The following MTUS2 variants were observed in gnomAD, a reference collection of about 807,000 sequenced individuals.
The protein encoded by MTUS2 is microtubule associated scaffold protein 2.
A neutral mutation model predicts 114.1 loss-of-function variants in MTUS2; 40 were observed. The observed-to-expected ratio is 0.35, with a 90% CI of 0.27 to 0.46. The LOEUF is 0.46. Among genes scored for constraint, MTUS2 ranks in the 20% least tolerant of loss-of-function variants. The pLI, the probability that MTUS2 is intolerant of heterozygous loss-of-function variation, is 1.00. For missense variants in MTUS2, 1,679 were observed against 1,705.4 expected (o/e 0.98, Z 0.27); for synonymous variants, 688 against 672.0 (o/e 1.02, Z -0.37).
intron 9 of MTUS2, among the ~76,000 whole-genome samples, chr13:29,474,608 G>A (rs545763887): frequency 6.6e-6 from 1 of 152,064 alleles, no homozygotes; most frequent in African/African-American, 2.4e-5. Flanking sequence ...GCCTTTTCTT[G>A]GTTTAACAAT....
chr13:29,483,319 C>G (rs911752108), intron 10 of MTUS2, among the ~76,000 whole-genome samples: 1 of 152,232 alleles, frequency 6.6e-6, no homozygotes, highest in African/African-American at 2.4e-5. Flanking sequence ...CCGAGGCAGG[C>G]TGACCTCCGG....
chr13:28,822,379 C>T (rs1435973432), intron 1 of MTUS2, among the ~76,000 whole-genome samples: 2 of 152,192 alleles, frequency 1.3e-5, no homozygotes, highest in Non-Finnish European at 2.9e-5. Flanking sequence ...CCGGCATACG[C>T]ACTTTTATAA....
intron 5 of MTUS2, among the ~76,000 whole-genome samples, chr13:29,206,831 T>C (rs1298040569): frequency 6.6e-6 from 1 of 152,222 alleles, no homozygotes; most frequent in Non-Finnish European, 1.5e-5. Context: ...TAGTTTGAAG[T>C]CAGGTAATGT....
chr13:29,211,234 A>G (rs1895417699), intron 5 of MTUS2, among the ~76,000 whole-genome samples: 1 of 152,092 alleles, frequency 6.6e-6, no homozygotes, highest in Non-Finnish European at 1.5e-5. Flanking sequence ...TGGGTCACGC[A>G]GGTTGCCAGG....
At chr13:28,922,935 T>C (rs1284195634) in intron 2 of MTUS2, among the ~76,000 whole-genome samples, 1 of 152,256 alleles carries the variant, frequency 6.6e-6, no homozygotes, top group Non-Finnish European at 1.5e-5. Flanking sequence ...AATACTCTTT[T>C]AGCCCACTTT....
intron 5 of MTUS2, among the ~76,000 whole-genome samples, chr13:29,264,063 A>G (rs1046230745): frequency 6.6e-6 from 1 of 152,226 alleles, no homozygotes; most frequent in Non-Finnish European, 1.5e-5. Flanking sequence ...AAAACAAATT[A>G]TCGACTTCCA....
At chr13:29,448,693 T>C (rs78134312) in intron 9 of MTUS2, among the ~76,000 whole-genome samples, 8,187 of 151,686 alleles carry the variant, frequency 0.054, 242 homozygotes, top group Middle Eastern at 0.065. Flanking sequence ...TTTACTTTTT[T>C]ATGTTTTCTG....
chr13:29,334,995 A>G (rs1460411286), intron 7 of MTUS2, among the ~76,000 whole-genome samples: 3 of 152,214 alleles, frequency 2.0e-5, no homozygotes, highest in East Asian at 1.9e-4. Context: ...TGTTTGAACA[A>G]TATCAAATCT....
At chr13:28,955,181 G>A (rs982700777) in intron 2 of MTUS2, among the ~76,000 whole-genome samples, 6 of 152,054 alleles carry the variant, frequency 3.9e-5, no homozygotes, top group Non-Finnish European at 7.4e-5. Flanking sequence ...TTACATCTGC[G>A]CCCCTGCCAC....
At chr13:28,881,306 C>G (rs888343965) in intron 2 of MTUS2, among the ~76,000 whole-genome samples, 1 of 152,054 alleles carries the variant, frequency 6.6e-6, no homozygotes, top group Non-Finnish European at 1.5e-5. Context: ...GGACATTAGT[C>G]CGTTCTTTTT....
intron 2 of MTUS2, among the ~76,000 whole-genome samples, chr13:28,999,294 G>A (rs138774704): frequency 0.018 from 2,695 of 151,894 alleles, 83 homozygotes; most frequent in African/African-American, 0.061. Flanking sequence ...GTGTCAGTCC[G>A]CCCCTACTGG....
chr13:29,388,173 C>A (rs1872760528), intron 8 of MTUS2, among the ~76,000 whole-genome samples: 1 of 151,974 alleles, frequency 6.6e-6, no homozygotes, highest in Non-Finnish European at 1.5e-5. Context: ...TGTAACCATT[C>A]CAGGTCTCTT....
chr13:29,001,415 C>T (rs1470121827), intron 2 of MTUS2, among the ~76,000 whole-genome samples: 3 of 152,064 alleles, frequency 2.0e-5, no homozygotes, highest in Non-Finnish European at 4.4e-5. Flanking sequence ...CCTGACAGAA[C>T]TAGATGACAG....
rs116021766 is a variant in MTUS2 at position 28,942,703 on chromosome 13, G to A, written c.-242-81754G>A. Among the ~76,000 whole-genome samples the A allele has an allele frequency of 8.6e-3, 1,317 of 152,308 alleles. 18 individuals carry two copies. Among genetic ancestry groups the A allele is most frequent in the African/African-American group, 0.029 (1,213 of 41,552 alleles). ...TGAGTGAATGCAGCTAGACACAAAAGAGTAATGTAGTATATGATTTCAGTT... is the reference window on the plus strand; with the variant it reads ...TGAGTGAATGCAGCTAGACACAAAAAAGTAATGTAGTATATGATTTCAGTT... On this transcript the variant is annotated intron_variant, in intron 2 of 15. Transcript: ENST00000612955.
chr13:28,970,073 C>G (rs1883783630), intron 2 of MTUS2, among the ~76,000 whole-genome samples: 1 of 152,204 alleles, frequency 6.6e-6, no homozygotes. Context: ...AACCACCACA[C>G]CTGGCCAAAA....
At chr13:29,094,690 T>G (rs1304682057) in intron 4 of MTUS2, among the ~76,000 whole-genome samples, 2 of 152,064 alleles carry the variant, frequency 1.3e-5, no homozygotes, top group South Asian at 4.1e-4. Context: ...TTATTTTCAC[T>G]GTAATCTTTA....
At chr13:29,115,229 A>G (rs879138740) in intron 5 of MTUS2, among the ~76,000 whole-genome samples, 1 of 152,106 alleles carries the variant, frequency 6.6e-6, no homozygotes, top group Non-Finnish European at 1.5e-5. Context: ...GAATGTGGTA[A>G]GTTGTCAATG....
chr13:29,315,165 T>A (rs1244094718), intron 6 of MTUS2, among the ~76,000 whole-genome samples: 1 of 152,034 alleles, frequency 6.6e-6, no homozygotes, highest in African/African-American at 2.4e-5. Context: ...TACTAGAAAT[T>A]GGGAAGGGTA....
chr13:29,014,609 G>C (rs536124766), intron 2 of MTUS2, among the ~76,000 whole-genome samples: 1 of 152,308 alleles, frequency 6.6e-6, no homozygotes, highest in South Asian at 2.1e-4. Flanking sequence ...ACTGAGGGTA[G>C]AGGAGGACCA....
Sources: gnomAD v4.1 joint callset for allele counts (sites outside exome capture counted in the v4.1 genomes callset) on GRCh38, gnomAD v4.1.1 for gene constraint, MANE v1.5 for transcripts, NCBI Gene and HGNC (gene_info 2026-07-23, HGNC 2026-07-21) for gene names.